The following MYO5B variants were observed in gnomAD, a reference collection of about 807,000 sequenced individuals.
MYO5B encodes the protein myosin VB.
A neutral mutation model predicts 229.3 loss-of-function variants in MYO5B; 143 were observed. The observed-to-expected ratio is 0.62, with a 90% confidence interval of 0.54 to 0.72. The LOEUF (loss-of-function observed/expected upper bound fraction) is 0.72. Ranked by LOEUF, MYO5B falls within the 30% of genes least tolerant of loss-of-function variation. The pLI is 0.00. For missense variants in MYO5B, 2,321 were observed against 2,331.0 expected, an observed-to-expected ratio of 1.00 and a Z score of 0.09; for synonymous variants, 918 against 885.2, an observed-to-expected ratio of 1.04 and a Z score of -0.66.
intron 1 of MYO5B, among the ~76,000 whole-genome samples, chr18:50,185,637 T>G (rs1005057135): frequency 6.6e-6 from 1 of 152,188 alleles, no homozygotes; most frequent in Non-Finnish European, 1.5e-5. Flanking sequence ...AAAAAATCAC[T>G]TGAACCCCAT....
chr18:50,087,933 G>T (rs2031366678), intron 1 of MYO5B, among the ~76,000 whole-genome samples: 1 of 152,216 alleles, frequency 6.6e-6, no homozygotes, highest in South Asian at 2.1e-4. Context: ...AGCCACAAGA[G>T]CAGCAGGGGT....
At chr18:50,070,491 G>A (rs2030930800) in intron 1 of MYO5B, among the ~76,000 whole-genome samples, 1 of 151,892 alleles carries the variant, frequency 6.6e-6, no homozygotes, top group South Asian at 2.1e-4. Flanking sequence ...AAGGGTTGGG[G>A]AGAGGGTCCT....
At chr18:49,829,842 A>C (rs2144018542) in intron 39 of MYO5B, among the ~76,000 whole-genome samples, 1 of 152,244 alleles carries the variant, frequency 6.6e-6, no homozygotes, top group South Asian at 2.1e-4. Context: ...AGAGGAAAAA[A>C]CCCACATCAT....
chr18:49,965,808 G>T (rs146605466), intron 10 of MYO5B, among the ~76,000 whole-genome samples: 273 of 152,274 alleles, frequency 1.8e-3, no homozygotes, highest in African/African-American at 6.5e-3. Context: ...AGGTGGAAGG[G>T]CTGTGAATAT....
chr18:50,179,406 C>A (rs1356132026), intron 1 of MYO5B, among the ~76,000 whole-genome samples: 2 of 152,186 alleles, frequency 1.3e-5, no homozygotes, highest in Non-Finnish European at 2.9e-5. Flanking sequence ...TTGGGAAGTT[C>A]CTTCATCTGA....
chr18:50,054,352 G>A (rs556869559), intron 2 of MYO5B, among the ~76,000 whole-genome samples: 2 of 152,326 alleles, frequency 1.3e-5, no homozygotes, highest in South Asian at 4.1e-4. Flanking sequence ...AATAAAAAGA[G>A]TGGGTTCCTT....
intron 1 of MYO5B, among the ~76,000 whole-genome samples, chr18:50,108,825 C>T (rs1232246591): frequency 6.6e-6 from 1 of 152,212 alleles, no homozygotes; most frequent in African/African-American, 2.4e-5. Flanking sequence ...CCCCAGCCAG[C>T]TCTGAAGTGT....
rs199774365 is a variant in MYO5B at position 49,937,365 on chromosome 18, G to A, written c.1785C>T (p.Asp595=). The A allele has an allele frequency of 5.0e-6, 8 of 1,614,020 alleles. No homozygotes were observed. The highest frequency in any genetic ancestry group is 5.9e-6 in the Non-Finnish European group (7 of 1,179,986). Residue 595 remains aspartate, a synonymous_variant, in exon 15 of 40, where the codon GAC becomes GAT. Coordinates refer to ENST00000285039, the MANE Select transcript of MYO5B (RefSeq NM_001080467.3). ...GGGTGGTGGCAGGAACAGGGTCCTT[G>A]TCATCATGAAACAAGTCAGCCACTA... ...FPLVADLFHD[D]KDPVPATTPG...
At chr18:49,843,096 T>C (rs2024079815) in intron 34 of MYO5B, 145 bp downstream of exon 34, 6 of 1,046,858 alleles carry the variant, frequency 5.7e-6, no homozygotes, top group Non-Finnish European at 7.2e-6. Flanking sequence ...CCTGGTTATA[T>C]GGATGCTTCT....
intron 4 of MYO5B, among the ~76,000 whole-genome samples, chr18:50,019,655 G>A (rs2026253648): frequency 6.6e-6 from 1 of 152,202 alleles, no homozygotes; most frequent in African/African-American, 2.4e-5. Context: ...GAGCAGAACT[G>A]GGGTCTAATA....
chr18:50,050,192 G>T (rs2030355112), intron 2 of MYO5B, among the ~76,000 whole-genome samples: 1 of 152,088 alleles, frequency 6.6e-6, no homozygotes, highest in Non-Finnish European at 1.5e-5. Flanking sequence ...AACTAAAATG[G>T]CCAGCTAAAA....
chr18:50,104,483 G>A (rs1409723227), intron 1 of MYO5B, among the ~76,000 whole-genome samples: 1 of 150,964 alleles, frequency 6.6e-6, no homozygotes. Flanking sequence ...TAGTATTTTA[G>A]TTTAGAAGAA....
chr18:50,039,444 G>A (rs1352551204), intron 3 of MYO5B, among the ~76,000 whole-genome samples: 2 of 152,036 alleles, frequency 1.3e-5, no homozygotes, highest in African/African-American at 2.4e-5. Context: ...CGATTCTCCT[G>A]CCTCAGCCTC....
intron 8 of MYO5B, among the ~76,000 whole-genome samples, chr18:49,981,867 A>C (rs928440249): frequency 1.3e-5 from 2 of 152,238 alleles, no homozygotes; most frequent in African/African-American, 4.8e-5. Flanking sequence ...TGAAAGGAAG[A>C]CAGATTAAAG....
At chr18:50,155,827 G>T (rs1314086515) in intron 1 of MYO5B, among the ~76,000 whole-genome samples, 1 of 152,192 alleles carries the variant, frequency 6.6e-6, no homozygotes, top group African/African-American at 2.4e-5. Flanking sequence ...AGATCCAAAA[G>T]TGCTTTATGA....
chr18:49,880,345 T>G, intron 23 of MYO5B, 26 bp downstream of exon 23: 15 of 1,597,772 alleles, frequency 9.4e-6, no homozygotes, highest in Non-Finnish European at 1.3e-5. Context: ...AAACCCCAAA[T>G]AAAACTCAAG....
At chr18:50,091,243 T>C (rs915836589) in intron 1 of MYO5B, among the ~76,000 whole-genome samples, 2 of 152,194 alleles carry the variant, frequency 1.3e-5, no homozygotes, top group Non-Finnish European at 1.5e-5. Flanking sequence ...GCCCATCTCA[T>C]AGCAGCTTTG....
intron 16 of MYO5B, among the ~76,000 whole-genome samples, chr18:49,930,605 A>T (rs2025178726): frequency 6.6e-6 from 1 of 152,142 alleles, no homozygotes; most frequent in Admixed American, 6.5e-5. Flanking sequence ...AAAAACTAAT[A>T]AGAAGGGCTG....
intron 17 of MYO5B, among the ~76,000 whole-genome samples, chr18:49,924,795 C>A (rs1041739027): frequency 1.3e-5 from 2 of 152,240 alleles, no homozygotes; most frequent in Non-Finnish European, 2.9e-5. Flanking sequence ...ACTTCCTTGT[C>A]TGTGTCTCAC....
Sources: gnomAD v4.1 joint callset for allele counts (sites outside exome capture counted in the v4.1 genomes callset) on GRCh38, gnomAD v4.1.1 for gene constraint, MANE v1.5 for transcripts, NCBI Gene and HGNC (gene_info 2026-07-23, HGNC 2026-07-21) for gene names.